The following ST18 variants were observed in gnomAD, a reference collection of about 807,000 sequenced individuals.
The protein encoded by ST18 is suppression of tumorigenicity 18 protein.
A neutral mutation model predicts 110.0 loss-of-function variants in ST18; 50 were observed. That is an observed-to-expected ratio of 0.45 (90% CI 0.36 to 0.58). The LOEUF (loss-of-function observed/expected upper bound fraction) is 0.58. ST18 is among the 20% of genes least tolerant of loss of function. The pLI, the probability that ST18 is intolerant of heterozygous loss-of-function variation, is 0.00. For missense variants in ST18, 1,306 were observed against 1,280.1 expected (o/e 1.02, Z -0.31); for synonymous variants, 461 against 452.4 (o/e 1.02, Z -0.24).
At chr8:52,113,359 T>C in intron 25 of ST18, 21 bp from the exon 26 acceptor site, 3 of 1,612,470 alleles carry the variant, frequency 1.9e-6, no homozygotes, top group Non-Finnish European at 2.5e-6. Flanking sequence ...ACAAAACACA[T>C]TGACCCAATC....
chr8:52,146,623 A>AT (rs1337356050), intron 16 of ST18, among the ~76,000 whole-genome samples: 1 of 152,182 alleles, frequency 6.6e-6, no homozygotes, highest in Non-Finnish European at 1.5e-5. Flanking sequence ...GACATTGCGT[A>AT]TAAAGGTTCC....
chr8:52,279,363 T>C (rs764391080), intron 2 of ST18, among the ~76,000 whole-genome samples: 2 of 152,142 alleles, frequency 1.3e-5, no homozygotes, highest in Non-Finnish European at 2.9e-5. Flanking sequence ...CTACTCAGAC[T>C]ATAGCACAAA....
rs148988597 is a variant in ST18, at chr8:52,135,413, C to T, written c.2300+1177G>A. Among the ~76,000 whole-genome samples the T allele has an allele frequency of 1.0e-3, 155 of 151,324 alleles. 2 individuals carry two copies. Among genetic ancestry groups the T allele is most frequent in the Non-Finnish European group, 1.7e-3 (113 of 67,778 alleles). On this transcript the variant is annotated intron_variant, in intron 19 of 25. Coordinates refer to ENST00000689386, the MANE Select transcript of ST18 (RefSeq NM_001352837.2). ...GTGTCTCTACTAAAAATACAAAAAG[C>T]ACTCAGGCATGGTTGTGCATGCCTG...
intron 2 of ST18, among the ~76,000 whole-genome samples, chr8:52,297,379 C>T (rs1242412128): frequency 6.6e-6 from 1 of 152,124 alleles, no homozygotes; most frequent in African/African-American, 2.4e-5. Flanking sequence ...GCTCAATAAG[C>T]GCAGAATATA....
chr8:52,164,226 C>A, intron 12 of ST18, 136 bp from the exon 13 acceptor site: 1 of 711,974 alleles, frequency 1.4e-6, no homozygotes, highest in Non-Finnish European at 2.4e-6. Flanking sequence ...CACGCACACA[C>A]TGAAAGATCC....
chr8:52,369,366 C>T (rs1351159915), intron 2 of ST18, among the ~76,000 whole-genome samples: 1 of 152,094 alleles, frequency 6.6e-6, no homozygotes, highest in Non-Finnish European at 1.5e-5. Flanking sequence ...CTGAGTCATG[C>T]CCTTAAGAAA....
chr8:52,390,259 G>T (rs1838841917), intron 2 of ST18, among the ~76,000 whole-genome samples: 1 of 152,102 alleles, frequency 6.6e-6, no homozygotes, highest in Non-Finnish European at 1.5e-5. Context: ...CTCCCTGTCT[G>T]CTAGGCAAAC....
chr8:52,238,190 T>C (rs942616242), intron 2 of ST18, among the ~76,000 whole-genome samples: 4 of 152,148 alleles, frequency 2.6e-5, no homozygotes, highest in African/African-American at 9.7e-5. Flanking sequence ...TTCTATATAA[T>C]CCAACAATTT....
intron 2 of ST18, among the ~76,000 whole-genome samples, chr8:52,370,168 G>C (rs1829732856): frequency 6.6e-6 from 1 of 152,180 alleles, no homozygotes. Flanking sequence ...TGTTGTAAGA[G>C]ATGACAAAGA....
At chr8:52,354,313 G>T (rs980762014) in intron 2 of ST18, among the ~76,000 whole-genome samples, 1 of 152,204 alleles carries the variant, frequency 6.6e-6, no homozygotes, top group East Asian at 1.9e-4. Context: ...AATCAGATGA[G>T]CCATGATGGT....
intron 24 of ST18, 145 bp from the exon 25 acceptor site, chr8:52,116,563 A>G (rs1468132824): frequency 6.4e-6 from 5 of 785,086 alleles, no homozygotes; most frequent in African/African-American, 3.5e-5. Flanking sequence ...ATGAAGCTGC[A>G]GCCCCACTGG....
intron 11 of ST18, among the ~76,000 whole-genome samples, chr8:52,166,421 C>T (rs2063007818): frequency 6.6e-6 from 1 of 152,290 alleles, no homozygotes; most frequent in Non-Finnish European, 1.5e-5. Flanking sequence ...AGGTACCAGA[C>T]AACTAGGGAC....
At chr8:52,243,285 G>A (rs372535834) in intron 2 of ST18, among the ~76,000 whole-genome samples, 1 of 152,124 alleles carries the variant, frequency 6.6e-6, no homozygotes, top group Non-Finnish European at 1.5e-5. Flanking sequence ...GTCTCCAGGG[G>A]TCCCCTAGCA....
rs112995444 is a variant in ST18, at chr8:52,310,702, C to T, written c.-464-80625G>A. On this transcript the variant is annotated intron_variant, in intron 2 of 25. Coordinates refer to ENST00000689386, the MANE Select transcript of ST18 (RefSeq NM_001352837.2). ...TGTGGTTGCAGTCTACTGTTCCCAA[C>T]CTTCTCTTCCTCTCTGTTTCTTCTT... 5.5e-3 allele frequency among the ~76,000 whole-genome samples: 839 copies of T among 152,284 alleles called. 7 individuals are homozygous for T. The highest frequency in any genetic ancestry group is 0.019 in the African/African-American group (770 of 41,564).
At chr8:52,212,535 GCTTTTA>G (rs1244160216) in intron 7 of ST18, among the ~76,000 whole-genome samples, 4 of 152,080 alleles carry the variant, frequency 2.6e-5, no homozygotes, top group Non-Finnish European at 1.5e-5. Context: ...TATGTCCCAT[GCTTTTA>G]CTCATAAACT....
Position 52,172,360 on chromosome 8 carries a change from G to A in ST18, c.501C>T (p.Cys167=), listed in dbSNP as rs187616356. 5.0e-4 allele frequency: 812 copies of A among 1,614,090 alleles called. 6 individuals carry two copies. The highest frequency in any genetic ancestry group is 3.7e-5 in the Non-Finnish European group (44 of 1,180,010). ...LKAESDEADE[C]FLIHSDDGRD... ...TTCCATCATCAGAATGAATCAGAAA[G>A]CACTCGTCTGCTTCATCGCTCTCTG... The change falls in exon 10 of 26, where the codon TGC becomes TGT. Residue 167 remains cysteine, a synonymous_variant. Transcript: ENST00000689386.
intron 2 of ST18, among the ~76,000 whole-genome samples, chr8:52,263,436 T>C (rs1320522337): frequency 6.6e-6 from 1 of 152,198 alleles, no homozygotes; most frequent in Non-Finnish European, 1.5e-5. Context: ...CTGAAAAGGA[T>C]GTACTCAAGT....
chr8:52,142,982 GT>G lies in ST18; in HGVS notation c.2115del (p.Pro706GlnfsTer16). On this transcript the variant is annotated frameshift_variant, in exon 17 of 26. Transcript: ENST00000689386. LOFTEE classifies it high-confidence loss of function. ...GCATGAAGCTTGGGTTTAGGGCTTG[GT>G]ATAGAGGCCTCTCCAGGAAACTTTT... ...EEKKFPGEAS[I>X]PSPKPKLHAR... 1 of 1,614,086 alleles carries G rather than the reference GT, an allele frequency of 6.2e-7. No individual in the cohort carries two copies. Among genetic ancestry groups the G allele is most frequent in the Non-Finnish European group, 8.5e-7 (1 of 1,179,984 alleles).
intron 2 of ST18, among the ~76,000 whole-genome samples, chr8:52,307,347 G>A (rs1285866602): frequency 3.3e-5 from 5 of 152,042 alleles, no homozygotes; most frequent in East Asian, 1.9e-4. Context: ...AACAAAACTC[G>A]GTCTTTTTAA....
Sources: gnomAD v4.1 joint callset for allele counts (sites outside exome capture counted in the v4.1 genomes callset) on GRCh38, gnomAD v4.1.1 for gene constraint, MANE v1.5 for transcripts, NCBI Gene and HGNC (gene_info 2026-07-23, HGNC 2026-07-21) for gene names.